Variants in USP4 observed in about 807,000 individuals in gnomAD.
The protein encoded by USP4 is ubiquitin carboxyl-terminal hydrolase 4.
Under a neutral mutation model 118.2 loss-of-function variants are expected in USP4, and 72 were observed. That is an observed-to-expected ratio of 0.61 (90% CI 0.50 to 0.74). The LOEUF (loss-of-function observed/expected upper bound fraction) is 0.74. USP4 is among the 30% of genes least tolerant of loss of function. The pLI is 0.00. For missense variants in USP4, 1,037 were observed against 1,185.7 expected, an observed-to-expected ratio of 0.87 and a Z score of 1.84; for synonymous variants, 415 against 440.4, an observed-to-expected ratio of 0.94 and a Z score of 0.72.
intron 8 of USP4, among the ~76,000 whole-genome samples, chr3:49,308,122 C>CT (rs2047338847): frequency 6.6e-6 from 1 of 152,076 alleles, no homozygotes; most frequent in African/African-American, 2.4e-5. Context: ...GTCTGTTTGC[C>CT]TGGTGGGCCT....
intron 15 of USP4, among the ~76,000 whole-genome samples, chr3:49,290,995 G>C (rs2047145764): frequency 1.3e-5 from 2 of 151,378 alleles, no homozygotes; most frequent in African/African-American, 2.4e-5. Context: ...TGGAGACGGA[G>C]TCTCAATCTG....
chr3:49,296,642 C>A (rs994343542), intron 13 of USP4, among the ~76,000 whole-genome samples: 5 of 152,096 alleles, frequency 3.3e-5, no homozygotes, highest in Non-Finnish European at 5.9e-5. Flanking sequence ...GAGCGAGACT[C>A]CGTCTAAAAA....
chr3:49,325,943 GA>G, intron 3 of USP4, 98 bp from the exon 4 acceptor site: 2 of 1,453,228 alleles, frequency 1.4e-6, no homozygotes, highest in Non-Finnish European at 1.9e-6. Flanking sequence ...GAAAACTCAT[GA>G]TAATCCATTT....
intron 15 of USP4, among the ~76,000 whole-genome samples, chr3:49,286,937 C>T (rs1000863060): frequency 1.3e-5 from 2 of 152,046 alleles, no homozygotes; most frequent in Admixed American, 6.6e-5. Context: ...GCAACCTTCA[C>T]CTCCCAGGTT....
intron 20 of USP4, 74 bp downstream of exon 20, chr3:49,280,670 G>A (rs2047013060): frequency 7.9e-7 from 1 of 1,261,086 alleles, no homozygotes; most frequent in Non-Finnish European, 1.2e-6. Flanking sequence ...TTAGGGCAAT[G>A]CCTGGTCCAC....
At chr3:49,292,013 T>C (rs886774009) in intron 15 of USP4, among the ~76,000 whole-genome samples, 1 of 152,038 alleles carries the variant, frequency 6.6e-6, no homozygotes, top group Non-Finnish European at 1.5e-5. Flanking sequence ...TTCACTGTGT[T>C]AGCCAGAATG....
rs528201100 is a variant in USP4 at position 49,312,545 on chromosome 3, G to A, written c.696-891C>T. 4.7e-4 allele frequency: 210 copies of A among 451,550 alleles called. 3 individuals are homozygous for A. The highest frequency in any genetic ancestry group is 2.6e-3 in the South Asian group (170 of 64,328). 28.0% of individuals were successfully genotyped at this position (451,550 alleles called of 1,614,324 possible). On this transcript the variant is annotated intron_variant, in intron 6 of 21. Transcript: ENST00000265560. Reference sequence around the variant, plus strand: ...TGAGGCAGGAGAATTGCTTGAACCCGGGAGGCAGAAGTTGCAGTGAGCCAA... The same window carrying A: ...TGAGGCAGGAGAATTGCTTGAACCCAGGAGGCAGAAGTTGCAGTGAGCCAA...
At chr3:49,323,209 C>T (rs183898791) in intron 6 of USP4, among the ~76,000 whole-genome samples, 16 of 150,596 alleles carry the variant, frequency 1.1e-4, no homozygotes, top group East Asian at 2.0e-4. Flanking sequence ...TCAGGTGAGC[C>T]GCCCACCTCG....
intron 3 of USP4, 119 bp downstream of exon 3, chr3:49,327,567 C>T (rs970694418): frequency 8.9e-7 from 1 of 1,121,584 alleles, no homozygotes; most frequent in Admixed American, 2.7e-5. Context: ...GAAACAAGGC[C>T]TCAAGCACCA....
At position 49,305,988 on chromosome 3, in the gene USP4, A is replaced by G. The variant is rs1227883958; in HGVS notation, c.955-100T>C. The G allele has an allele frequency of 5.0e-6, 6 of 1,198,176 alleles. No homozygotes were observed. The African/African-American group carries it at 9.3e-5, about 19-fold the overall frequency. The allele number at this position is 1,198,176 out of a possible 1,614,324, so 74.2% of individuals were successfully genotyped here. A position where few individuals can be genotyped will look rare whatever the true frequency, so the allele number is the denominator to read the frequency against. ...AGGGTCACTGAGGGACAACGCCAAC[A>G]AAATGAGGCACTCAGGAGATTCTCT... On this transcript the variant is annotated intron_variant, in intron 8 of 21. Coordinates refer to ENST00000265560, the MANE Select transcript of USP4 (RefSeq NM_003363.4).
At position 49,278,440 on chromosome 3, in the gene USP4, A is replaced by G; in HGVS notation, c.2745T>C (p.Ala915=). Residue 915 remains alanine (A), a synonymous_variant, in exon 22 of 22, where the codon GCT becomes GCC. Transcript: ENST00000265560. The part of the protein sequence containing the change: ...ASEDQIVTKA[A]YVLFYQRRDD... The stretch of plus-strand genomic sequence containing the variant: ...CTCGACGTTGGTAAAATAGCACATA[A>G]GCTGCTTTAGTCTGAAATACAAGAG... The G allele has an allele frequency of 6.2e-7, 1 of 1,613,938 alleles. No individual in the cohort carries two copies. The highest frequency in any genetic ancestry group is 8.5e-7 in the Non-Finnish European group (1 of 1,179,960).
intron 15 of USP4, among the ~76,000 whole-genome samples, chr3:49,288,607 GGAGGTTGCAGTGAGCT>G (rs2047123447): frequency 6.6e-6 from 1 of 152,084 alleles, no homozygotes; most frequent in South Asian, 2.1e-4. Context: ...CCTGGGAGGC[GGAGGTTGCAGTGAGCT>G]GAGATCACGC....
intron 6 of USP4, chr3:49,312,306 C>G: frequency 2.9e-6 from 1 of 346,134 alleles, no homozygotes; most frequent in South Asian, 2.2e-5. Flanking sequence ...GTTCAAGACA[C>G]AGTGAAACCA....
chr3:49,317,267 C>T (rs561231396), intron 6 of USP4: 5 of 1,537,452 alleles, frequency 3.3e-6, no homozygotes, highest in South Asian at 1.1e-5. Context: ...GCCAGGTTCT[C>T]GTTGACGCGG....
chr3:49,285,954 G>T, intron 16 of USP4, 144 bp downstream of exon 16: 1 of 726,990 alleles, frequency 1.4e-6, no homozygotes, highest in Non-Finnish European at 2.3e-6. Context: ...TCCTTAGGGG[G>T]CTTCAAGCCA....
At chr3:49,314,042 T>C (rs951883462) in intron 6 of USP4, 1 of 152,128 alleles carries the variant, frequency 6.6e-6, no homozygotes, top group Non-Finnish European at 1.5e-5. Flanking sequence ...TTGTTTCAAA[T>C]ATAAAACTGG....
chr3:49,335,868 C>CT (rs1003206218), intron 1 of USP4, among the ~76,000 whole-genome samples: 112 of 151,726 alleles, frequency 7.4e-4, no homozygotes, highest in African/African-American at 2.4e-3. Context: ...TGCAGTCTTT[C>CT]TTTTTTTTTC....
chr3:49,309,294 G>A (rs1404542410), intron 8 of USP4, among the ~76,000 whole-genome samples: 3 of 152,210 alleles, frequency 2.0e-5, no homozygotes, highest in Non-Finnish European at 4.4e-5. Context: ...TTTCGGAAAT[G>A]AGGGCAGTCT....
intron 4 of USP4, 53 bp downstream of exon 4, chr3:49,325,666 C>T: frequency 6.3e-7 from 1 of 1,595,308 alleles, no homozygotes; most frequent in Admixed American, 1.7e-5. Flanking sequence ...CCATCAGCCA[C>T]AATGTCCTAC....
Sources: gnomAD v4.1 joint callset for allele counts (sites outside exome capture counted in the v4.1 genomes callset) on GRCh38, gnomAD v4.1.1 for gene constraint, MANE v1.5 for transcripts, NCBI Gene and HGNC (gene_info 2026-07-23, HGNC 2026-07-21) for gene names.